The following GDAP1L1 variants were observed in gnomAD, a reference collection of about 807,000 sequenced individuals.
GDAP1L1 encodes the protein ganglioside-induced differentiation-associated protein 1-like 1.
In GDAP1L1, 21 loss-of-function variants were observed where a neutral mutation model predicts 37.1. The ratio of observed to expected loss-of-function variants is 0.57; its 90% CI spans 0.40 to 0.81. The LOEUF (loss-of-function observed/expected upper bound fraction) is 0.81. GDAP1L1 is among the 40% of genes least tolerant of loss of function. The pLI, the probability that GDAP1L1 is intolerant of heterozygous loss-of-function variation, is 0.00. For missense variants in GDAP1L1, 362 were observed against 491.6 expected, an observed-to-expected ratio of 0.74 and a Z score of 2.49; for synonymous variants, 193 against 209.1, an observed-to-expected ratio of 0.92 and a Z score of 0.67.
At chr20:44,259,781 G>A (rs1362779640) in intron 3 of GDAP1L1, among the ~76,000 whole-genome samples, 4 of 152,156 alleles carry the variant, frequency 2.6e-5, no homozygotes, top group African/African-American at 9.7e-5. Flanking sequence ...ATAGGCATGA[G>A]CCACCATATG....
chr20:44,256,371 T>C (rs371662127), intron 1 of GDAP1L1, among the ~76,000 whole-genome samples: 7 of 152,286 alleles, frequency 4.6e-5, no homozygotes, highest in African/African-American at 1.4e-4. Context: ...TTGATTATGA[T>C]AATAATAAGA....
rs950065093 is a variant in GDAP1L1 at position 44,257,282 on chromosome 20, C to T, written c.310C>T (p.Arg104Cys). 24 of 1,613,864 alleles carry T rather than the reference C, an allele frequency of 1.5e-5. No individual in the cohort carries two copies. Among genetic ancestry groups the T allele is most frequent in the Admixed American group, 1.7e-5 (1 of 59,964 alleles). The change falls in exon 2 of 6, where the codon CGC becomes TGC. Residue 104 changes from arginine (R) to cysteine (C), a missense_variant. Arg to Cys is a radical substitution (Grantham distance 180, BLOSUM62 -3). Coordinates refer to ENST00000342560, the MANE Select transcript of GDAP1L1 (RefSeq NM_024034.6). ...CGAGGAGGTGCCCGTCATCATCCAC[C>T]GCGACAACATCATCAGTGACTATGA... is the stretch of plus-strand genomic sequence containing the variant. Reference protein sequence around the residue: ...LGEEVPVIIHRDNIISDYDQI... With the variant: ...LGEEVPVIIHCDNIISDYDQI...
At chr20:44,250,908 G>A (rs931706681) in intron 1 of GDAP1L1, among the ~76,000 whole-genome samples, 5 of 151,996 alleles carry the variant, frequency 3.3e-5, no homozygotes, top group Admixed American at 6.6e-5. Context: ...ACCCTCTCTG[G>A]TCCTCAGTTT....
Position 44,257,257 on chromosome 20 carries a change from C to A in GDAP1L1, c.285C>A (p.Gly95=), listed in dbSNP as rs755597097. The A allele has an allele frequency of 3.7e-6, 6 of 1,613,618 alleles. No individual in the cohort carries two copies. In the African/African-American group the frequency reaches 5.3e-5, roughly 14 times the overall value. The change falls in exon 2 of 6, where the codon GGC becomes GGA. Residue 95 remains glycine, a synonymous_variant. Transcript: ENST00000342560. ...KEPWFMRLNL[G]EEVPVIIHRD... ...CCTGGTTCATGCGGCTCAACCTGGGCGAGGAGGTGCCCGTCATCATCCACC... is the reference window on the plus strand; with the variant it reads ...CCTGGTTCATGCGGCTCAACCTGGGAGAGGAGGTGCCCGTCATCATCCACC...
In GDAP1L1 at chr20:44,279,959, G is replaced by C. The variant is rs2062624652; in HGVS notation, c.*659G>C. 2.8e-6 allele frequency: 1 copy of C among 356,322 alleles called. No homozygotes were observed. The highest frequency in any genetic ancestry group is 5.5e-6 in the Non-Finnish European group (1 of 180,254). The allele number at this position is 356,322 out of a possible 1,614,324, so 22.1% of individuals were successfully genotyped here. On this transcript the variant is annotated 3_prime_UTR_variant, in exon 6 of 6. Coordinates refer to ENST00000342560, the MANE Select transcript of GDAP1L1 (RefSeq NM_024034.6). ...GTCCTTCTGATTTGGTCCATGTGTT[G>C]GGTTTGGCCTTAGTAGAAATCTCTG...
rs943547937 is a variant in GDAP1L1 at position 44,259,427 on chromosome 20, G to T, written c.547+820G>T. On this transcript the variant is annotated intron_variant, in intron 3 of 5. Coordinates refer to ENST00000342560, the MANE Select transcript of GDAP1L1 (RefSeq NM_024034.6). ...GCTAATGTTCAAAGGCAGGGTTGGG[G>T]CGGTGTTAGGTTGTAGAACTCAACC... is the stretch of plus-strand genomic sequence containing the variant. Among the ~76,000 whole-genome samples the T allele has an allele frequency of 5.9e-5, 9 of 152,276 alleles. 1 individual carries two copies.
intron 5 of GDAP1L1, among the ~76,000 whole-genome samples, chr20:44,271,033 A>G (rs192648699): frequency 5.2e-4 from 79 of 152,306 alleles, no homozygotes; most frequent in Middle Eastern, 3.4e-3. Context: ...AGGCTGAGGC[A>G]GGAGAATCAC....
rs763743716 is a variant in GDAP1L1, at chr20:44,279,560, A to G, written c.*260A>G. On this transcript the variant is annotated 3_prime_UTR_variant, in exon 6 of 6. Transcript: ENST00000342560. Reference sequence around the variant, plus strand: ...GAAAAAACAAAAAACAGAAAACACGAATGCCTTTTCTATCGATTCAAGGTC... The same window carrying G: ...GAAAAAACAAAAAACAGAAAACACGGATGCCTTTTCTATCGATTCAAGGTC... 93 of 625,446 alleles carry G rather than the reference A, an allele frequency of 1.5e-4. 2 individuals carry two copies. The highest frequency in any genetic ancestry group is 2.1e-4 in the Non-Finnish European group (70 of 327,142). 38.7% of individuals were successfully genotyped at this position (625,446 alleles called of 1,614,324 possible).
intron 1 of GDAP1L1, among the ~76,000 whole-genome samples, chr20:44,253,403 T>C (rs1290111994): frequency 2.0e-5 from 3 of 152,192 alleles, no homozygotes; most frequent in Non-Finnish European, 4.4e-5. Context: ...GGCCTACTAA[T>C]TTTTTTAAAA....
Position 44,255,541 on chromosome 20 carries a change from CAA to C in GDAP1L1, c.181-1583_181-1582del, listed in dbSNP as rs60318296. On this transcript the variant is annotated intron_variant, in intron 1 of 5. Transcript: ENST00000342560. The stretch of plus-strand genomic sequence containing the variant: ...TGAGCAACAGAGCGAGACTCTGTCT[CAA>C]AAAAAAAAAAAAAAAAAAAAAAAAA... 5.4e-3 allele frequency among the ~76,000 whole-genome samples: 246 copies of C among 45,650 alleles called. 1 individual carries two copies. The highest frequency in any genetic ancestry group is 7.7e-3 in the East Asian group (21 of 2,728). The allele number at this position is 45,650 out of a possible 152,430, so 29.9% of individuals were successfully genotyped here. A position where few individuals can be genotyped will look rare whatever the true frequency, so the allele number is the denominator to read the frequency against.
intron 5 of GDAP1L1, among the ~76,000 whole-genome samples, chr20:44,268,434 G>A (rs1432611334): frequency 1.3e-5 from 2 of 152,072 alleles, no homozygotes; most frequent in Non-Finnish European, 2.9e-5. Flanking sequence ...AATATTTATT[G>A]AACACCTACT....
intron 1 of GDAP1L1, 55 bp from the exon 2 acceptor site, chr20:44,257,098 G>A: frequency 1.3e-6 from 2 of 1,494,588 alleles, no homozygotes; most frequent in East Asian, 2.5e-5. Flanking sequence ...CCCCACCTGG[G>A]CAGAGTGTCC....
intron 1 of GDAP1L1, among the ~76,000 whole-genome samples, chr20:44,255,628 AAAC>A (rs2073526055): frequency 6.6e-6 from 1 of 151,374 alleles, no homozygotes; most frequent in South Asian, 2.1e-4. Flanking sequence ...CTGGGATTTG[AAAC>A]AACACCGTTC....
intron 3 of GDAP1L1, among the ~76,000 whole-genome samples, chr20:44,261,746 C>T (rs1019641478): frequency 1.3e-5 from 2 of 152,154 alleles, no homozygotes; most frequent in African/African-American, 4.8e-5. Context: ...AGCGTGTTTG[C>T]GTTCCCTGGC....
chr20:44,267,171 C>T (rs2073773039), intron 5 of GDAP1L1, among the ~76,000 whole-genome samples: 1 of 152,202 alleles, frequency 6.6e-6, no homozygotes, highest in South Asian at 2.1e-4. Context: ...GTGTCAGGCC[C>T]TGTTCTAGGT....
chr20:44,274,639 C>T (rs1364679432), intron 5 of GDAP1L1, among the ~76,000 whole-genome samples: 1 of 149,128 alleles, frequency 6.7e-6, no homozygotes, highest in Non-Finnish European at 1.5e-5. Flanking sequence ...CCTGGTTCTT[C>T]TCCTACCTGA....
intron 5 of GDAP1L1, among the ~76,000 whole-genome samples, chr20:44,277,139 C>T (rs2062591302): frequency 6.6e-6 from 1 of 152,158 alleles, no homozygotes; most frequent in Non-Finnish European, 1.5e-5. Flanking sequence ...ATTCTCGTGC[C>T]TCAGCCTCCT....
At chr20:44,275,484 C>T (rs2146055976) in intron 5 of GDAP1L1, among the ~76,000 whole-genome samples, 1 of 152,266 alleles carries the variant, frequency 6.6e-6, no homozygotes, top group Admixed American at 6.5e-5. Flanking sequence ...GGGGGCAAGC[C>T]TCCCAGGAAA....
chr20:44,248,616 A>G (rs1457096565), intron 1 of GDAP1L1, among the ~76,000 whole-genome samples: 1 of 152,226 alleles, frequency 6.6e-6, no homozygotes, highest in East Asian at 1.9e-4. Context: ...GGTTGCTGAT[A>G]TGGTTGTTGA....
Sources: allele counts gnomAD v4.1 joint callset (sites outside exome capture counted in the v4.1 genomes callset), GRCh38; gene constraint gnomAD v4.1.1; transcripts MANE v1.5; gene names NCBI Gene and HGNC (gene_info 2026-07-23, HGNC 2026-07-21).